LGSN: variants seen among roughly 807,000 people sequenced by gnomAD.
LGSN encodes the protein lengsin.
LGSN carries 21 observed loss-of-function variants against 19.5 expected under a neutral mutation model. The ratio of observed to expected loss-of-function variants is 1.07; its 90% CI spans 0.76 to 1.55. The LOEUF is 1.55. Among genes scored for constraint, LGSN ranks in the 40% most tolerant of loss-of-function variants. LGSN has a pLI of 0.00. For missense variants in LGSN, 673 were observed against 608.5 expected, an observed-to-expected ratio of 1.11 and a Z score of -1.12; for synonymous variants, 257 against 215.6, an observed-to-expected ratio of 1.19 and a Z score of -1.68.
the LGSN span, among the ~76,000 whole-genome samples, chr6:63,413,152 A>AACCATTTTATTAC: frequency 2.0e-5 from 3 of 152,166 alleles, no homozygotes; most frequent in African/African-American, 7.2e-5. Context: ...ATAAAATGTA[A>AACCATTTTATTAC]AGCAACACCA....
At chr6:63,368,125 G>GA in the LGSN span, among the ~76,000 whole-genome samples, 41 of 149,918 alleles carry the variant, frequency 2.7e-4, no homozygotes, top group Admixed American at 1.1e-3. Flanking sequence ...CAGAAAAAAA[G>GA]AAAAAAAAAG....
At chr6:63,463,225 T>C in the LGSN span, among the ~76,000 whole-genome samples, 1 of 152,232 alleles carries the variant, frequency 6.6e-6, no homozygotes, top group Non-Finnish European at 1.5e-5. Context: ...GAGGATTAAA[T>C]GAGTGAATAT....
the LGSN span, among the ~76,000 whole-genome samples, chr6:63,363,041 T>C: frequency 6.6e-6 from 1 of 152,170 alleles, no homozygotes; most frequent in African/African-American, 2.4e-5. Flanking sequence ...TTCTGCAATA[T>C]TTGCTCTTCT....
intron 1 of LGSN, among the ~76,000 whole-genome samples, chr6:63,306,209 CA>C (rs1366878478): frequency 6.6e-6 from 1 of 152,076 alleles, no homozygotes; most frequent in Non-Finnish European, 1.5e-5. Context: ...ACATTTTTTC[CA>C]AAGCAGAAAT....
At chr6:63,397,918 C>A in the LGSN span, among the ~76,000 whole-genome samples, 1 of 150,976 alleles carries the variant, frequency 6.6e-6, no homozygotes, top group African/African-American at 2.4e-5. Flanking sequence ...CCAGCCTGGG[C>A]AACAATGTAA....
the LGSN span, among the ~76,000 whole-genome samples, chr6:63,439,268 T>C: frequency 1.3e-5 from 2 of 152,152 alleles, no homozygotes; most frequent in Admixed American, 6.6e-5. Context: ...GACGAGTTAA[T>C]GGGTGCAGCA....
At chr6:63,513,047 G>C in the LGSN span, among the ~76,000 whole-genome samples, 1 of 152,186 alleles carries the variant, frequency 6.6e-6, no homozygotes, top group Non-Finnish European at 1.5e-5. Flanking sequence ...GAGAAATTTA[G>C]AGGGAGGCAA....
At chr6:63,485,564 T>C in the LGSN span, among the ~76,000 whole-genome samples, 1 of 152,230 alleles carries the variant, frequency 6.6e-6, no homozygotes, top group African/African-American at 2.4e-5. Context: ...ATGGTATTGC[T>C]GCGCCAAATT....
At chr6:63,320,564 G>T (rs374044102), upstream of LGSN, among the ~76,000 whole-genome samples, 1 of 152,072 alleles carries the variant, frequency 6.6e-6, no homozygotes, top group South Asian at 2.1e-4. Flanking sequence ...TCCCCACTGT[G>T]CACAATGAAC....
chr6:63,323,367 T>C (rs1445398186), upstream of LGSN, among the ~76,000 whole-genome samples: 1 of 152,168 alleles, frequency 6.6e-6, no homozygotes, highest in Non-Finnish European at 1.5e-5. Flanking sequence ...TTGTACCTGT[T>C]AAGTAATTTC....
intron 1 of LGSN, among the ~76,000 whole-genome samples, chr6:63,312,298 C>A (rs986454760): frequency 6.7e-6 from 1 of 148,994 alleles, no homozygotes; most frequent in African/African-American, 2.5e-5. Flanking sequence ...TGATTCCACA[C>A]CCTTTGGATA....
chr6:63,513,900 G>A, the LGSN span, among the ~76,000 whole-genome samples: 2 of 100,632 alleles, frequency 2.0e-5, no homozygotes, highest in Non-Finnish European at 1.7e-5. Flanking sequence ...AACAGAGCGA[G>A]ACTTCATCTC....
chr6:63,460,764 A>T, the LGSN span, among the ~76,000 whole-genome samples: 8 of 152,186 alleles, frequency 5.3e-5, no homozygotes, highest in Admixed American at 5.2e-4. Flanking sequence ...CCCGGTGGAA[A>T]ACTGAACCTC....
At chr6:63,437,421 G>T in the LGSN span, among the ~76,000 whole-genome samples, 1 of 151,924 alleles carries the variant, frequency 6.6e-6, no homozygotes, top group Non-Finnish European at 1.5e-5. Context: ...ATTGTTTTTT[G>T]TTTTGTTTTT....
the LGSN span, among the ~76,000 whole-genome samples, chr6:63,470,933 CTTT>C: frequency 4.4e-4 from 32 of 73,056 alleles, no homozygotes; most frequent in African/African-American, 1.4e-3. Flanking sequence ...TTCAGTCTTT[CTTT>C]TTTTTTTTTT....
the LGSN span, among the ~76,000 whole-genome samples, chr6:63,424,458 C>T: frequency 6.7e-6 from 1 of 149,440 alleles, no homozygotes; most frequent in Non-Finnish European, 1.5e-5. Context: ...GAGTAAGGAA[C>T]CCTTCCCAGT....
the LGSN span, among the ~76,000 whole-genome samples, chr6:63,531,529 T>G: frequency 2.5e-3 from 381 of 149,920 alleles, no homozygotes; most frequent in Middle Eastern, 0.01. Flanking sequence ...TTTTTTTTTT[T>G]TTTGTAAATG....
chr6:63,510,242 TA>T, the LGSN span, among the ~76,000 whole-genome samples: 1 of 152,180 alleles, frequency 6.6e-6, no homozygotes, highest in Non-Finnish European at 1.5e-5. Context: ...GCAACTGCTC[TA>T]AATCATGCTT....
intron 1 of LGSN, among the ~76,000 whole-genome samples, chr6:63,313,295 T>C (rs1768703168): frequency 6.6e-6 from 1 of 152,036 alleles, no homozygotes; most frequent in Admixed American, 6.6e-5. Context: ...CTGGAGGCCT[T>C]GGTAAGGACA....
Sources: gnomAD v4.1 joint callset for allele counts (sites outside exome capture counted in the v4.1 genomes callset) on GRCh38, gnomAD v4.1.1 for gene constraint, MANE v1.5 for transcripts, NCBI Gene and HGNC (gene_info 2026-07-23, HGNC 2026-07-21) for gene names.